Variants in PRKCB observed in about 807,000 individuals in gnomAD.
PRKCB encodes the protein protein kinase C beta.
A neutral mutation model predicts 81.5 loss-of-function variants in PRKCB; 13 were observed. That is an observed-to-expected ratio of 0.16 (90% confidence interval 0.10 to 0.25). PRKCB has a LOEUF of 0.25. PRKCB is among the 10% of genes least tolerant of loss of function. The pLI is 1.00. For synonymous variants in PRKCB, 335 were observed against 321.4 expected, an observed-to-expected ratio of 1.04 and a Z score of -0.45; for missense variants, 509 against 875.7, an observed-to-expected ratio of 0.58 and a Z score of 5.29.
intron 2 of PRKCB, among the ~76,000 whole-genome samples, chr16:23,951,165 T>C (rs913392912): frequency 1.3e-5 from 2 of 152,236 alleles, no homozygotes; most frequent in African/African-American, 4.8e-5. Flanking sequence ...GGAGGAAAGA[T>C]GAATAATGAG....
At chr16:24,157,747 T>G (rs1213564509) in intron 10 of PRKCB, among the ~76,000 whole-genome samples, 1 of 147,682 alleles carries the variant, frequency 6.8e-6, no homozygotes, top group East Asian at 2.1e-4. Flanking sequence ...ATCTGATGGT[T>G]TTATGAGGGA....
intron 2 of PRKCB, among the ~76,000 whole-genome samples, chr16:23,942,869 C>A (rs372433272): frequency 6.6e-6 from 1 of 152,176 alleles, no homozygotes; most frequent in South Asian, 2.1e-4. Context: ...TAGTCTGGTT[C>A]AGCTTCTGCC....
At chr16:24,125,258 C>T (rs1966841211) in intron 9 of PRKCB, among the ~76,000 whole-genome samples, 1 of 152,196 alleles carries the variant, frequency 6.6e-6, no homozygotes, top group East Asian at 1.9e-4. Flanking sequence ...AATGACTTTC[C>T]ATCCAATTAG....
chr16:24,131,064 A>C (rs888271272), intron 9 of PRKCB, among the ~76,000 whole-genome samples: 22 of 152,342 alleles, frequency 1.4e-4, no homozygotes, highest in African/African-American at 5.1e-4. Context: ...ATCATGGAGC[A>C]CGCCAGGTGT....
chr16:23,868,249 G>A (rs1962840692), intron 2 of PRKCB, among the ~76,000 whole-genome samples: 1 of 152,146 alleles, frequency 6.6e-6, no homozygotes, highest in Non-Finnish European at 1.5e-5. Flanking sequence ...CATCCCTGTG[G>A]GATTTCCAGG....
At chr16:24,011,588 C>T (rs1168057521) in intron 3 of PRKCB, among the ~76,000 whole-genome samples, 1 of 152,176 alleles carries the variant, frequency 6.6e-6, no homozygotes, top group African/African-American at 2.4e-5. Context: ...GCAATCATAG[C>T]TCACTGCAGC....
intron 2 of PRKCB, among the ~76,000 whole-genome samples, chr16:23,854,903 C>A (rs1962537819): frequency 6.6e-6 from 1 of 152,144 alleles, no homozygotes; most frequent in Non-Finnish European, 1.5e-5. Flanking sequence ...GAGTGCTCAA[C>A]ATTTACACCT....
intron 3 of PRKCB, among the ~76,000 whole-genome samples, chr16:24,000,052 C>A (rs1965011664): frequency 6.6e-6 from 1 of 152,210 alleles, no homozygotes; most frequent in Non-Finnish European, 1.5e-5. Flanking sequence ...CATCTCCCAA[C>A]ACTTTTTAAG....
rs1555483462 is a variant in PRKCB, at chr16:23,902,780, T to TCTTCCTCCCTC, written c.205+65375_205+65376insTTCCTCCCTCC. Among the ~76,000 whole-genome samples, 16 of 27,396 alleles carry TCTTCCTCCCTC rather than the reference T, an allele frequency of 5.8e-4. 1 individual carries two copies. The highest frequency in any genetic ancestry group is 2.6e-3 in the South Asian group (1 of 382). The allele number at this position is 27,396 out of a possible 152,430, so 18.0% of individuals were successfully genotyped here. A position where few individuals can be genotyped will look rare whatever the true frequency, so the allele number is the denominator to read the frequency against. ...TTCCTTCCTTCCTTCCTTCCTTCCTTCCTCCCTCCCTCCCTCCCTTCCTTC... is the reference window on the plus strand; with the variant it reads ...TTCCTTCCTTCCTTCCTTCCTTCCTTCTTCCTCCCTCCCTCCCTCCCTCCCTCCCTTCCTTC... On this transcript the variant is annotated intron_variant, in intron 2 of 16. Transcript: ENST00000643927.
At chr16:24,028,724 G>A (rs184612025) in intron 3 of PRKCB, among the ~76,000 whole-genome samples, 42 of 152,218 alleles carry the variant, frequency 2.8e-4, no homozygotes, top group African/African-American at 9.1e-4. Context: ...TTCACACGTC[G>A]AACGACATTT....
intron 5 of PRKCB, among the ~76,000 whole-genome samples, chr16:24,069,824 C>T (rs569288327): frequency 4.6e-5 from 7 of 152,318 alleles, no homozygotes; most frequent in Middle Eastern, 3.4e-3. Context: ...ATGACATCAT[C>T]AGAGCCTAGA....
chr16:24,185,124 A>G lies in PRKCB; in HGVS notation c.1547A>G (p.Gln516Arg). 1 of 1,614,110 alleles carries G rather than the reference A, an allele frequency of 6.2e-7. No individual in the cohort carries two copies. The highest frequency in any genetic ancestry group is 8.5e-7 in the Non-Finnish European group (1 of 1,179,940). The stretch of plus-strand genomic sequence containing the variant: ...TCTCTTTTCTAGATAATTGCTTATC[A>G]GCCCTATGGGAAGTCCGTGGATTGG... Reference protein sequence around the residue: ...DYIAPEIIAYQPYGKSVDWWA... With the variant: ...DYIAPEIIAYRPYGKSVDWWA... Residue 516 changes from glutamine to arginine, a missense_variant, in exon 14 of 17, where the codon CAG (glutamine) becomes CGG (arginine). Coordinates refer to ENST00000643927, the MANE Select transcript of PRKCB (RefSeq NM_002738.7).
intron 2 of PRKCB, among the ~76,000 whole-genome samples, chr16:23,863,186 A>ATATATACACATG (rs1491353488): frequency 2.4e-4 from 16 of 66,792 alleles, no homozygotes; most frequent in Non-Finnish European, 3.8e-4. Context: ...ATATGTGTAT[A>ATATATACACATG]CATACATACG....
At chr16:24,039,829 G>A (rs1004960093) in intron 5 of PRKCB, among the ~76,000 whole-genome samples, 1 of 152,320 alleles carries the variant, frequency 6.6e-6, no homozygotes, top group Middle Eastern at 3.4e-3. Flanking sequence ...TCTCCTGACT[G>A]TCTTCCTGGT....
intron 5 of PRKCB, among the ~76,000 whole-genome samples, chr16:24,085,989 C>T (rs937594251): frequency 1.1e-4 from 17 of 152,076 alleles, no homozygotes; most frequent in Non-Finnish European, 2.2e-4. Flanking sequence ...ACGATGTGCT[C>T]GGGAGGACTT....
At chr16:23,875,210 T>G (rs1440325299) in intron 2 of PRKCB, among the ~76,000 whole-genome samples, 1 of 151,920 alleles carries the variant, frequency 6.6e-6, no homozygotes, top group African/African-American at 2.4e-5. Context: ...GCTAATTTTT[T>G]TGAATTTTAG....
intron 5 of PRKCB, among the ~76,000 whole-genome samples, chr16:24,089,117 G>T (rs193168540): frequency 3.7e-4 from 57 of 152,220 alleles, no homozygotes; most frequent in East Asian, 2.5e-3. Flanking sequence ...AGTAACAGTT[G>T]GATATTATAT....
At position 24,215,174 on chromosome 16, in the gene PRKCB, A is replaced by T; in HGVS notation, c.*358A>T. On this transcript the variant is annotated 3_prime_UTR_variant, in exon 17 of 17. Coordinates refer to ENST00000643927, the MANE Select transcript of PRKCB (RefSeq NM_002738.7). The stretch of plus-strand genomic sequence containing the variant: ...TCACCCCCAACCATCCAATCTGTGG[A>T]TAATTGGATGTTAGCGGTACTCTTC... The T allele has an allele frequency of 9.6e-7, 1 of 1,040,172 alleles. No homozygotes were observed. The allele number at this position is 1,040,172 out of a possible 1,614,324, so 64.4% of individuals were successfully genotyped here.
At chr16:23,867,564 T>G (rs1357796111) in intron 2 of PRKCB, among the ~76,000 whole-genome samples, 1 of 152,282 alleles carries the variant, frequency 6.6e-6, no homozygotes, top group East Asian at 1.9e-4. Flanking sequence ...TACTAGACAC[T>G]GATCCTTTGC....
Sources: allele counts gnomAD v4.1 joint callset (sites outside exome capture counted in the v4.1 genomes callset), GRCh38; gene constraint gnomAD v4.1.1; transcripts MANE v1.5; gene names NCBI Gene and HGNC (gene_info 2026-07-23, HGNC 2026-07-21).